DNAH3: variants seen among roughly 807,000 people sequenced by gnomAD.
DNAH3 encodes the protein dynein axonemal heavy chain 3, also known as axonemal beta dynein heavy chain 3.
In DNAH3, 332 loss-of-function variants were observed where a neutral mutation model predicts 432.5. The observed-to-expected ratio is 0.77, with a 90% CI of 0.70 to 0.84. The LOEUF is 0.84. Among genes scored for constraint, DNAH3 ranks in the 40% least tolerant of loss-of-function variants. The pLI is 0.00. For synonymous variants in DNAH3, 1,956 were observed against 1,900.2 expected (o/e 1.03, Z -0.76); for missense variants, 4,861 against 5,114.0 (o/e 0.95, Z 1.51).
chr16:20,952,253 AT>A (rs1237784563), intron 56 of DNAH3, among the ~76,000 whole-genome samples, 179 bp downstream of exon 56: 1 of 152,006 alleles, frequency 6.6e-6, no homozygotes, highest in Non-Finnish European at 1.5e-5. Context: ...TTCTATCTTA[AT>A]TTTTTTTGTT....
At chr16:21,076,461 C>A (rs2090978391) in intron 20 of DNAH3, among the ~76,000 whole-genome samples, 1 of 152,166 alleles carries the variant, frequency 6.6e-6, no homozygotes, top group Admixed American at 6.6e-5. Context: ...GCCTGTTCAA[C>A]AAAAATTATG....
At chr16:21,122,321 G>A (rs2092360884) in intron 9 of DNAH3, among the ~76,000 whole-genome samples, 197 bp from the exon 11 acceptor site, 1 of 152,122 alleles carries the variant, frequency 6.6e-6, no homozygotes, top group Non-Finnish European at 1.5e-5. Flanking sequence ...TTGGGAGGCC[G>A]AGACAGGTGG....
At chr16:21,023,398 C>A (rs925674550) in intron 39 of DNAH3, among the ~76,000 whole-genome samples, 2 of 152,086 alleles carry the variant, frequency 1.3e-5, no homozygotes, top group East Asian at 3.9e-4. Flanking sequence ...AAAGTTCTAG[C>A]AGGAAACACA....
intron 30 of DNAH3, 101 bp downstream of exon 30, chr16:21,049,809 C>T: frequency 7.5e-7 from 1 of 1,327,306 alleles, no homozygotes. Context: ...GCCCATGCTG[C>T]CTGTTAATGC....
Position 21,005,919 on chromosome 16 carries a change from T to G in DNAH3, c.6023-2712A>C, listed in dbSNP as rs184840714. Among the ~76,000 whole-genome samples, 22 of 152,160 alleles carry G rather than the reference T, an allele frequency of 1.4e-4. No individual in the cohort carries two copies. In the East Asian group the frequency reaches 3.3e-3, roughly 23 times the overall value. ...ATATTTACCTGGAAGTCCAATAATT[T>G]AATTATGTTATATTTTCTGGTCAAT... On this transcript the variant is annotated intron_variant, in intron 41 of 61. Coordinates refer to ENST00000261383, the Ensembl canonical transcript of DNAH3.
Position 21,091,023 on chromosome 16 carries a change from T to G in DNAH3, c.2666-3963A>C, listed in dbSNP as rs374962682. ...AAAAAATTAGCTGGGTGTGGTGGTG[T>G]GCATCTGTAGTCCCAGCTACTCAGG... On this transcript the variant is annotated intron_variant, in intron 18 of 61. Coordinates refer to ENST00000261383, the Ensembl canonical transcript of DNAH3. Among the ~76,000 whole-genome samples the G allele has an allele frequency of 2.8e-4, 42 of 152,024 alleles. 1 individual carries two copies. The South Asian group carries it at 5.0e-3, about 18-fold the overall frequency.
chr16:21,020,397 A>ATTTTTTTTTTTTTT (rs56049638), intron 40 of DNAH3, among the ~76,000 whole-genome samples: 2 of 34,592 alleles, frequency 5.8e-5, no homozygotes, highest in Non-Finnish European at 9.2e-5. Flanking sequence ...ATATATATAT[A>ATTTTTTTTTTTTTT]TTTTTTTTTT....
intron 41 of DNAH3, among the ~76,000 whole-genome samples, chr16:21,010,634 A>T (rs909752815): frequency 6.6e-6 from 1 of 152,118 alleles, no homozygotes; most frequent in Non-Finnish European, 1.5e-5. Flanking sequence ...GCATATCATG[A>T]AAATCCTAGA....
At chr16:21,093,662 T>C (rs2091599108) in intron 18 of DNAH3, among the ~76,000 whole-genome samples, 1 of 152,206 alleles carries the variant, frequency 6.6e-6, no homozygotes, top group Non-Finnish European at 1.5e-5. Context: ...AATCACACTA[T>C]GTGATTTTAA....
At chr16:21,024,471 A>G (rs2088431399) in intron 39 of DNAH3, 125 bp downstream of exon 39, 2 of 650,326 alleles carry the variant, frequency 3.1e-6, no homozygotes, top group Non-Finnish European at 2.5e-6. Context: ...AACTGGGGAC[A>G]ACAAGGGAAT....
chr16:21,148,196 T>C lies in DNAH3; in HGVS notation c.118-2108A>G, dbSNP rs111589875. 1.3e-3 allele frequency among the ~76,000 whole-genome samples: 202 copies of C among 152,224 alleles called. 1 individual carries two copies. The highest frequency in any genetic ancestry group is 4.4e-3 in the African/African-American group (183 of 41,522). ...CCTTAAAGATGACTCAAATTAACCA[T>C]CATTATCTCTCCCGGAGCACCTACC... is the stretch of plus-strand genomic sequence containing the variant. On this transcript the variant is annotated intron_variant, in intron 1 of 61. Coordinates refer to ENST00000261383, the Ensembl canonical transcript of DNAH3.
At chr16:21,129,915 C>G (rs1253181606) in intron 7 of DNAH3, 2 of 151,882 alleles carry the variant, frequency 1.3e-5, no homozygotes, top group South Asian at 4.2e-4. Flanking sequence ...TTTCATAGTA[C>G]CCATCACCTT....
At chr16:20,984,023 T>C (rs1368826291) in intron 48 of DNAH3, among the ~76,000 whole-genome samples, 1 of 99,760 alleles carries the variant, frequency 1.0e-5, no homozygotes, top group Admixed American at 1.1e-4. Context: ...CAAGACCCTA[T>C]ATCCAGAAAA....
At chr16:21,033,244 A>T (rs540203254) in intron 36 of DNAH3, among the ~76,000 whole-genome samples, 80 of 152,396 alleles carry the variant, frequency 5.2e-4, no homozygotes, top group Middle Eastern at 6.8e-3. Flanking sequence ...AAAAAATTTT[A>T]AATGAAAAAC....
At chr16:21,067,501 T>C (rs2090597217) in intron 23 of DNAH3, 82 bp from the exon 24 acceptor site, 2 of 1,477,366 alleles carry the variant, frequency 1.4e-6, no homozygotes, top group African/African-American at 1.4e-5. Flanking sequence ...GTGTGACCTA[T>C]CAACTGACAG....
chr16:21,097,324 T>C, intron 18 of DNAH3, 31 bp downstream of exon 18: 1 of 1,612,226 alleles, frequency 6.2e-7, no homozygotes, highest in Non-Finnish European at 8.5e-7. Flanking sequence ...CTCATCCCCA[T>C]CTGTCCCAGC....
At chr16:21,124,712 C>CA (rs1207952548) in intron 9 of DNAH3, among the ~76,000 whole-genome samples, 1 of 151,726 alleles carries the variant, frequency 6.6e-6, no homozygotes, top group Non-Finnish European at 1.5e-5. Flanking sequence ...TGCAATGGCG[C>CA]GATCTGGTCT....
intron 12 of DNAH3, among the ~76,000 whole-genome samples, chr16:21,115,387 G>GC (rs2092166022): frequency 2.6e-4 from 5 of 19,464 alleles, no homozygotes; most frequent in African/African-American, 6.9e-4. Flanking sequence ...AGCTTAAAGT[G>GC]TAAAAAAAAA....
chr16:21,128,660 C>T (rs1266569438), intron 7 of DNAH3, among the ~76,000 whole-genome samples: 1 of 149,778 alleles, frequency 6.7e-6, no homozygotes, highest in Admixed American at 6.7e-5. Context: ...CGCCACTGCA[C>T]TCCAGCCTGG....
Sources: gnomAD v4.1 joint callset for allele counts (sites outside exome capture counted in the v4.1 genomes callset) on GRCh38, gnomAD v4.1.1 for gene constraint, MANE v1.5 for transcripts, NCBI Gene and HGNC (gene_info 2026-07-23, HGNC 2026-07-21) for gene names.